The following KLF12 variants were observed in gnomAD, a reference collection of about 807,000 sequenced individuals.
KLF12 encodes the protein KLF transcription factor 12, also known as Krueppel-like factor 12.
A neutral mutation model predicts 37.8 loss-of-function variants in KLF12; 9 were observed. The observed-to-expected ratio is 0.24, with a 90% confidence interval of 0.14 to 0.42. KLF12 has a LOEUF of 0.42. Among genes scored for constraint, KLF12 ranks in the 10% least tolerant of loss-of-function variants. KLF12 has a pLI of 1.00. For missense variants in KLF12, 411 were observed against 516.0 expected (o/e 0.80, Z 1.97); for synonymous variants, 208 against 202.1 (o/e 1.03, Z -0.25).
the KLF12 span, among the ~76,000 whole-genome samples, chr13:74,206,388 T>C: frequency 2.6e-5 from 4 of 152,192 alleles, no homozygotes; most frequent in African/African-American, 7.2e-5. Context: ...TAAAATAGTA[T>C]TCAACAACAG....
intron 1 of KLF12, among the ~76,000 whole-genome samples, chr13:74,041,415 G>A (rs538699468): frequency 1.3e-5 from 2 of 152,252 alleles, no homozygotes; most frequent in African/African-American, 4.8e-5. Flanking sequence ...CTTCAGATAA[G>A]ACACGGCTCA....
chr13:74,187,474 G>A, the KLF12 span, among the ~76,000 whole-genome samples: 1 of 152,098 alleles, frequency 6.6e-6, no homozygotes, highest in Non-Finnish European at 1.5e-5. Context: ...CTGTGAGGTC[G>A]AATGAGATAT....
chr13:73,880,709 G>A (rs1295478794), intron 3 of KLF12, among the ~76,000 whole-genome samples: 4 of 152,174 alleles, frequency 2.6e-5, no homozygotes, highest in Non-Finnish European at 5.9e-5. Context: ...TTTCACAGGT[G>A]CATGAACAGG....
At chr13:73,879,799 C>G (rs1886891905) in intron 3 of KLF12, among the ~76,000 whole-genome samples, 2 of 152,204 alleles carry the variant, frequency 1.3e-5, no homozygotes, top group Non-Finnish European at 2.9e-5. Flanking sequence ...ACCACGCCCT[C>G]TCATTTGCAT....
chr13:74,058,769 T>C (rs1487759999), intron 1 of KLF12, among the ~76,000 whole-genome samples: 2 of 152,234 alleles, frequency 1.3e-5, no homozygotes, highest in African/African-American at 2.4e-5. Context: ...CCTGCTACTA[T>C]GAACTTGGAT....
intron 6 of KLF12, among the ~76,000 whole-genome samples, chr13:73,749,324 C>A (rs1213764936): frequency 6.6e-6 from 1 of 152,154 alleles, no homozygotes; most frequent in Non-Finnish European, 1.5e-5. Flanking sequence ...ACAGAGCCTG[C>A]ATTTAAATCT....
intron 4 of KLF12, among the ~76,000 whole-genome samples, chr13:73,827,946 A>G (rs1039879007): frequency 3.3e-5 from 5 of 152,118 alleles, no homozygotes; most frequent in Non-Finnish European, 7.4e-5. Context: ...CATTTTTCAA[A>G]CCAGTTCTAA....
chr13:73,863,613 TATTCC>T (rs1335846635), intron 3 of KLF12, among the ~76,000 whole-genome samples: 1 of 152,198 alleles, frequency 6.6e-6, no homozygotes, highest in Non-Finnish European at 1.5e-5. Context: ...TAGTTTGTAT[TATTCC>T]TGCCTCCCAT....
intron 5 of KLF12, among the ~76,000 whole-genome samples, chr13:73,785,720 C>T (rs1881297693): frequency 6.6e-6 from 1 of 152,030 alleles, no homozygotes; most frequent in African/African-American, 2.4e-5. Context: ...GAGAGTCATG[C>T]TCTGAGGTAT....
At chr13:74,192,120 C>A in the KLF12 span, among the ~76,000 whole-genome samples, 2 of 151,878 alleles carry the variant, frequency 1.3e-5, no homozygotes, top group South Asian at 2.1e-4. Context: ...TGTGCTTTCC[C>A]AGAGAGCAGA....
At chr13:73,949,978 C>T (rs1890584382) in intron 2 of KLF12, among the ~76,000 whole-genome samples, 1 of 152,174 alleles carries the variant, frequency 6.6e-6, no homozygotes, top group Non-Finnish European at 1.5e-5. Flanking sequence ...ATCCAAATTA[C>T]ATTCTTCTGA....
At chr13:74,062,877 T>C (rs533893502) in intron 1 of KLF12, among the ~76,000 whole-genome samples, 1 of 152,330 alleles carries the variant, frequency 6.6e-6, no homozygotes, top group South Asian at 2.1e-4. Context: ...TGTTGGATGG[T>C]TGGTCCCTTG....
intron 3 of KLF12, among the ~76,000 whole-genome samples, chr13:73,860,428 G>A (rs929799976): frequency 1.3e-5 from 2 of 152,114 alleles, no homozygotes; most frequent in Non-Finnish European, 2.9e-5. Flanking sequence ...AGGCCTTACT[G>A]GGTCTCAGAT....
rs1048110614 is a variant in KLF12, at chr13:73,688,745, C to T, written c.*6745G>A. 4.6e-5 allele frequency: 7 copies of T among 152,062 alleles called. No homozygotes were observed. The highest frequency in any genetic ancestry group is 8.8e-5 in the Non-Finnish European group (6 of 68,022). The allele number at this position is 152,062 out of a possible 1,614,324, so 9.4% of individuals were successfully genotyped here. ...TTAAGTCATGTGTTATATCATGTCC[C>T]GATATTTCACTTGAAAAATATGATG... On this transcript the variant is annotated 3_prime_UTR_variant, in exon 8 of 8. Transcript: ENST00000377669.
chr13:74,235,952 T>A, the KLF12 span, among the ~76,000 whole-genome samples: 1 of 151,658 alleles, frequency 6.6e-6, no homozygotes, highest in Non-Finnish European at 1.5e-5. Flanking sequence ...ATTTTTATTT[T>A]TTTTTATTAT....
At chr13:74,270,247 T>C in the KLF12 span, among the ~76,000 whole-genome samples, 1 of 152,252 alleles carries the variant, frequency 6.6e-6, no homozygotes, top group Middle Eastern at 3.4e-3. Context: ...TCCTAGGTAA[T>C]TTATATGATT....
At chr13:74,178,162 A>C in the KLF12 span, among the ~76,000 whole-genome samples, 1 of 152,158 alleles carries the variant, frequency 6.6e-6, no homozygotes, top group Admixed American at 6.5e-5. Context: ...TGTGGGGTGC[A>C]TATTCCACAA....
intron 1 of KLF12, among the ~76,000 whole-genome samples, chr13:74,132,737 A>G (rs1014852171): frequency 2.6e-5 from 4 of 152,230 alleles, no homozygotes; most frequent in Non-Finnish European, 5.9e-5. Flanking sequence ...TGCAGGGCAT[A>G]TAACAAAGGA....
intron 1 of KLF12, among the ~76,000 whole-genome samples, chr13:74,054,602 G>A (rs1206209124): frequency 6.6e-6 from 1 of 152,214 alleles, no homozygotes; most frequent in African/African-American, 2.4e-5. Context: ...GCTTAATGCA[G>A]GAGCACATAA....
Sources: allele counts gnomAD v4.1 joint callset (sites outside exome capture counted in the v4.1 genomes callset), GRCh38; gene constraint gnomAD v4.1.1; transcripts MANE v1.5; gene names NCBI Gene and HGNC (gene_info 2026-07-23, HGNC 2026-07-21).